Variants in CHST9 observed in about 807,000 individuals in gnomAD.
CHST9 encodes GalNAc-4-sulfotransferase 2.
A neutral mutation model predicts 44.4 loss-of-function variants in CHST9; 41 were observed. That is an observed-to-expected ratio of 0.92 (90% CI 0.72 to 1.20). CHST9 has a LOEUF of 1.20. Among genes scored for constraint, CHST9 ranks in the 50% most tolerant of loss-of-function variants. The probability of loss-of-function intolerance (pLI) is 0.00; values close to 1 mark genes in which losing one functional copy is unlikely to be tolerated. For missense variants in CHST9, 504 were observed against 516.5 expected, an observed-to-expected ratio of 0.98 and a Z score of 0.23; for synonymous variants, 171 against 178.4, an observed-to-expected ratio of 0.96 and a Z score of 0.33.
At chr18:27,054,420 A>G (rs2057627234) in intron 2 of CHST9, among the ~76,000 whole-genome samples, 1 of 152,212 alleles carries the variant, frequency 6.6e-6, no homozygotes, top group African/African-American at 2.4e-5. Flanking sequence ...ACTTGCGATG[A>G]ATAAAAATGG....
chr18:27,167,889 A>C (rs1179379163), intron 1 of CHST9, among the ~76,000 whole-genome samples: 1 of 152,182 alleles, frequency 6.6e-6, no homozygotes, highest in Non-Finnish European at 1.5e-5. Context: ...CTGAAACAGA[A>C]AAGAACTTAA....
chr18:27,048,598 A>G, intron 2 of CHST9, 95 bp from the exon 3 acceptor site: 1 of 998,758 alleles, frequency 1.0e-6, no homozygotes, highest in South Asian at 1.5e-5. Context: ...TTCCAAACAC[A>G]ACCTCTACTT....
At chr18:27,126,019 T>C (rs2058420228) in intron 2 of CHST9, among the ~76,000 whole-genome samples, 1 of 152,220 alleles carries the variant, frequency 6.6e-6, no homozygotes, top group South Asian at 2.1e-4. Context: ...AACAAAATTA[T>C]ATTACACAAA....
At chr18:27,137,627 A>T (rs2058527238) in intron 2 of CHST9, among the ~76,000 whole-genome samples, 1 of 152,136 alleles carries the variant, frequency 6.6e-6, no homozygotes, top group African/African-American at 2.4e-5. Flanking sequence ...GTTAAAGGAA[A>T]TGAAATATGA....
chr18:26,974,229 G>T (rs1451788917), intron 4 of CHST9, among the ~76,000 whole-genome samples: 2 of 152,222 alleles, frequency 1.3e-5, no homozygotes, highest in Admixed American at 1.3e-4. Context: ...AAGATGAAAA[G>T]CAGTCTTCAG....
chr18:27,154,935 T>C (rs574778169), intron 1 of CHST9, among the ~76,000 whole-genome samples: 3 of 151,790 alleles, frequency 2.0e-5, no homozygotes, highest in South Asian at 2.1e-4. Flanking sequence ...ATACAAAAAT[T>C]AGCTGGCATG....
intron 1 of CHST9, among the ~76,000 whole-genome samples, chr18:27,146,023 T>A (rs1015128313): frequency 1.3e-5 from 2 of 152,084 alleles, no homozygotes; most frequent in African/African-American, 4.8e-5. Context: ...TTACAATCTG[T>A]CTACATAATT....
At chr18:26,938,574 A>C (rs1269229077) in intron 5 of CHST9, among the ~76,000 whole-genome samples, 1 of 152,194 alleles carries the variant, frequency 6.6e-6, no homozygotes, top group East Asian at 1.9e-4. Context: ...ATGCAATCCC[A>C]CTTTAAATTT....
chr18:27,014,574 T>C (rs2057127963), intron 4 of CHST9, among the ~76,000 whole-genome samples: 1 of 148,216 alleles, frequency 6.7e-6, no homozygotes, highest in Non-Finnish European at 1.5e-5. Flanking sequence ...CCCCTCAAAC[T>C]GCTCCATTAG....
chr18:27,062,916 GATGAGTCAATT>G (rs1488620295), intron 2 of CHST9, among the ~76,000 whole-genome samples: 1 of 152,172 alleles, frequency 6.6e-6, no homozygotes, highest in Non-Finnish European at 1.5e-5. Flanking sequence ...GGCCAGTAAT[GATGAGTCAATT>G]CTTTTTACTG....
intron 4 of CHST9, among the ~76,000 whole-genome samples, chr18:26,981,743 C>T (rs547105312): frequency 6.6e-6 from 1 of 152,186 alleles, no homozygotes; most frequent in Admixed American, 6.5e-5. Flanking sequence ...GGAGGCCTGA[C>T]AATTTAATTA....
intron 4 of CHST9, among the ~76,000 whole-genome samples, chr18:26,969,376 C>CTGTGTGTGTGTG (rs1208856677): frequency 1.9e-3 from 181 of 95,686 alleles, no homozygotes; most frequent in African/African-American, 5.0e-3. Flanking sequence ...CTCTCTCTCT[C>CTGTGTGTGTGTG]TGTGTGTGTG....
intron 2 of CHST9, among the ~76,000 whole-genome samples, chr18:27,059,558 G>A (rs2057696856): frequency 6.6e-6 from 1 of 152,202 alleles, no homozygotes; most frequent in African/African-American, 2.4e-5. Context: ...ATCTATGCTT[G>A]TGAAGTCTGA....
chr18:27,182,348 T>A (rs918873674), intron 1 of CHST9, among the ~76,000 whole-genome samples: 6 of 152,144 alleles, frequency 3.9e-5, no homozygotes, highest in Non-Finnish European at 1.5e-5. Context: ...TAGGAGAATC[T>A]TAACGCTTTC....
chr18:27,033,354 C>G (rs2057360023), intron 3 of CHST9, among the ~76,000 whole-genome samples: 1 of 152,178 alleles, frequency 6.6e-6, no homozygotes, highest in Admixed American at 6.5e-5. Context: ...TCCTTTACCC[C>G]ACCCCTTTCA....
At chr18:26,975,673 A>G (rs960560874) in intron 4 of CHST9, among the ~76,000 whole-genome samples, 1 of 143,950 alleles carries the variant, frequency 6.9e-6, no homozygotes, top group East Asian at 2.2e-4. Context: ...ATATATAAAT[A>G]TATGTATATA....
intron 5 of CHST9, among the ~76,000 whole-genome samples, chr18:26,932,388 T>C (rs1345376164): frequency 1.3e-5 from 2 of 152,204 alleles, no homozygotes; most frequent in East Asian, 3.8e-4. Context: ...TAGAAACACA[T>C]ATACTGAGAC....
At chr18:27,128,515 G>C (rs529627131) in intron 2 of CHST9, among the ~76,000 whole-genome samples, 2 of 152,102 alleles carry the variant, frequency 1.3e-5, no homozygotes, top group African/African-American at 4.8e-5. Context: ...TGATCCACCC[G>C]CCTCGGCCTC....
Position 26,914,373 on chromosome 18 carries a change from A to C in CHST9, c.*1886T>G, listed in dbSNP as rs929913136. On this transcript the variant is annotated 3_prime_UTR_variant, in exon 6 of 6. Transcript: ENST00000618847. Reference sequence around the variant, plus strand: ...AGCAAGTTTTGTGTTTCTTAGGAATAAAATTTCAGGCTTCTGGAATATTTT... The same window carrying C: ...AGCAAGTTTTGTGTTTCTTAGGAATCAAATTTCAGGCTTCTGGAATATTTT... 2 of 152,238 alleles carry C rather than the reference A, an allele frequency of 1.3e-5. No individual in the cohort carries two copies. The highest frequency in any genetic ancestry group is 4.8e-5 in the African/African-American group (2 of 41,466). The allele number at this position is 152,238 out of a possible 1,614,324, so 9.4% of individuals were successfully genotyped here. A position where few individuals can be genotyped will look rare whatever the true frequency, so the allele number is the denominator to read the frequency against.
Sources: allele counts gnomAD v4.1 joint callset (sites outside exome capture counted in the v4.1 genomes callset), GRCh38; gene constraint gnomAD v4.1.1; transcripts MANE v1.5; gene names NCBI Gene and HGNC (gene_info 2026-07-23, HGNC 2026-07-21).